UNC5B: variants seen among roughly 807,000 people sequenced by gnomAD.
The protein encoded by UNC5B is netrin receptor UNC5B.
UNC5B carries 56 observed loss-of-function variants against 103.7 expected under a neutral mutation model. The ratio of observed to expected loss-of-function variants is 0.54; its 90% CI spans 0.44 to 0.67. The LOEUF is 0.67. Ranked by LOEUF, UNC5B falls within the 30% of genes least tolerant of loss-of-function variation. UNC5B has a pLI of 0.00. For missense variants in UNC5B, 1,194 were observed against 1,284.5 expected (o/e 0.93, Z 1.08); for synonymous variants, 577 against 542.0 (o/e 1.06, Z -0.90).
At chr10:71,259,068 G>A (rs1400123030) in intron 1 of UNC5B, among the ~76,000 whole-genome samples, 7 of 152,212 alleles carry the variant, frequency 4.6e-5, no homozygotes, top group African/African-American at 1.7e-4. Flanking sequence ...CAGGGTGGAG[G>A]GAGGTGAAGT....
chr10:71,296,472 G>C, intron 14 of UNC5B, 106 bp from the exon 15 acceptor site: 1 of 1,326,612 alleles, frequency 7.5e-7, no homozygotes, highest in Non-Finnish European at 1.0e-6. Flanking sequence ...TGGGTGGAGA[G>C]GCCTGAACTG....
rs773716039 is a variant in UNC5B at position 71,295,909 on chromosome 10, C to G, written c.2274C>G (p.Leu758=). 1 of 1,613,252 alleles carries G rather than the reference C, an allele frequency of 6.2e-7. No homozygotes were observed. The highest frequency in any genetic ancestry group is 1.3e-5 in the African/African-American group (1 of 74,918). The change falls in exon 14 of 17, where the codon CTC becomes CTG. Residue 758 remains leucine, a synonymous_variant. Transcript: ENST00000335350. Reference sequence around the variant, plus strand: ...GTTACCACAACCTGCGCCTCTCCCTCCATGACCTCCCCCATGCCCATTGGA... The same window carrying G: ...GTTACCACAACCTGCGCCTCTCCCTGCATGACCTCCCCCATGCCCATTGGA... The part of the protein sequence containing the change: ...KDSYHNLRLS[L]HDLPHAHWRS...
chr10:71,290,421 C>T (rs1845216955), intron 8 of UNC5B, among the ~76,000 whole-genome samples: 1 of 152,212 alleles, frequency 6.6e-6, no homozygotes, highest in South Asian at 2.1e-4. Context: ...CGTCCCTCCA[C>T]TTCCCACCCT....
At chr10:71,238,541 C>T (rs1843822418) in intron 1 of UNC5B, among the ~76,000 whole-genome samples, 1 of 152,156 alleles carries the variant, frequency 6.6e-6, no homozygotes, top group African/African-American at 2.4e-5. Flanking sequence ...GTCGTGATCT[C>T]AGCTCATTGC....
chr10:71,290,877 T>TA (rs1390721929), intron 8 of UNC5B, 38 bp from the exon 9 acceptor site: 10 of 1,575,642 alleles, frequency 6.3e-6, no homozygotes, highest in Admixed American at 3.4e-5. Flanking sequence ...CAGGGCCTGG[T>TA]CTCTGCTGCC....
In UNC5B at chr10:71,293,888, C is replaced by T. The variant is rs767684096; in HGVS notation, c.2130C>T (p.Tyr710=). The change falls in exon 13 of 17, where the codon TAC becomes TAT. Residue 710 remains tyrosine, a synonymous_variant. Transcript: ENST00000335350. ...CCGCCCTCTGCACCTCCCTGGAGTA[C>T]AGCCTCCGGGTCTACTGCCTGGAGG... ...FAPALCTSLE[Y]SLRVYCLEDT... is the part of the protein sequence containing the mutation. The T allele has an allele frequency of 3.1e-6, 5 of 1,605,938 alleles. No homozygotes were observed. In the African/African-American group the frequency reaches 5.3e-5, roughly 17 times the overall value.
intron 1 of UNC5B, among the ~76,000 whole-genome samples, chr10:71,251,663 T>C (rs1483697254): frequency 6.6e-6 from 1 of 152,150 alleles, no homozygotes; most frequent in African/African-American, 2.4e-5. Context: ...AGTTGCAGAG[T>C]ATACATGGTT....
chr10:71,256,965 GGGAAGGTGCA>G (rs1844304887), intron 1 of UNC5B, among the ~76,000 whole-genome samples: 1 of 152,198 alleles, frequency 6.6e-6, no homozygotes, highest in African/African-American at 2.4e-5. Context: ...GCACAGAGCA[GGGAAGGTGCA>G]GGAAGACGAC....
At chr10:71,295,678 C>A in intron 13 of UNC5B, 133 bp from the exon 14 acceptor site, 1 of 1,019,136 alleles carries the variant, frequency 9.8e-7, no homozygotes, top group Non-Finnish European at 1.4e-6. Flanking sequence ...ACACCATAAG[C>A]CCTCTGTGAG....
intron 1 of UNC5B, among the ~76,000 whole-genome samples, chr10:71,254,028 G>A (rs1727550084): frequency 6.6e-6 from 1 of 152,182 alleles, no homozygotes; most frequent in Non-Finnish European, 1.5e-5. Flanking sequence ...CTCAGCACAG[G>A]GGGAAACGGA....
chr10:71,288,262 T>A (rs1845145851), intron 6 of UNC5B, among the ~76,000 whole-genome samples: 1 of 152,228 alleles, frequency 6.6e-6, no homozygotes. Context: ...TACGCTGTTT[T>A]TCTTTACCCT....
rs1269609485 is a variant in UNC5B, at chr10:71,212,926, C to T, written c.-60C>T. Reference sequence around the variant, plus strand: ...GCGGCGGCGGCGGAGACGGCGGCGGCGAGACTGGGGCCAGGGAGACAGCCC... The same window carrying T: ...GCGGCGGCGGCGGAGACGGCGGCGGTGAGACTGGGGCCAGGGAGACAGCCC... On this transcript the variant is annotated 5_prime_UTR_variant, in exon 1 of 17. Transcript: ENST00000335350. 3.3e-6 allele frequency: 4 copies of T among 1,220,506 alleles called. No individual in the cohort carries two copies. Among genetic ancestry groups the T allele is most frequent in the African/African-American group, 3.1e-5 (2 of 64,196 alleles). The allele number at this position is 1,220,506 out of a possible 1,614,324, so 75.6% of individuals were successfully genotyped here. A position where few individuals can be genotyped will look rare whatever the true frequency, so the allele number is the denominator to read the frequency against.
chr10:71,230,600 C>T (rs995374195), intron 1 of UNC5B, among the ~76,000 whole-genome samples: 2 of 152,276 alleles, frequency 1.3e-5, no homozygotes, highest in African/African-American at 4.8e-5. Context: ...GGGCCTCCCC[C>T]CACATCCCTG....
intron 1 of UNC5B, among the ~76,000 whole-genome samples, chr10:71,245,161 T>C (rs1843999302): frequency 6.6e-6 from 1 of 152,224 alleles, no homozygotes; most frequent in African/African-American, 2.4e-5. Flanking sequence ...GATTTCTTTT[T>C]ATCCTACATG....
rs1413103967 is a variant in UNC5B at position 71,279,988 on chromosome 10, G to A, written c.247G>A (p.Gly83Ser). The A allele has an allele frequency of 1.3e-5, 21 of 1,614,110 alleles. No homozygotes were observed. Among genetic ancestry groups the A allele is most frequent in the Admixed American group, 3.3e-5 (2 of 60,038 alleles). Residue 83 changes from glycine to serine, a missense_variant, in exon 2 of 17, where the codon GGC becomes AGC. Coordinates refer to ENST00000335350, the MANE Select transcript of UNC5B (RefSeq NM_170744.5). ...PATQIYFKCN[G>S]EWVSQNDHVT... Reference sequence around the variant, plus strand: ...CACACAGATCTACTTCAAGTGCAACGGCGAGTGGGTCAGCCAGAACGACCA... The same window carrying A: ...CACACAGATCTACTTCAAGTGCAACAGCGAGTGGGTCAGCCAGAACGACCA...
intron 1 of UNC5B, among the ~76,000 whole-genome samples, chr10:71,260,620 T>C (rs1178652593): frequency 6.6e-6 from 1 of 152,162 alleles, no homozygotes; most frequent in Non-Finnish European, 1.5e-5. Context: ...GTCACTGTGC[T>C]CCCAGAAGCT....
chr10:71,249,771 G>T (rs758549757), intron 1 of UNC5B, among the ~76,000 whole-genome samples: 1 of 152,188 alleles, frequency 6.6e-6, no homozygotes, highest in African/African-American at 2.4e-5. Flanking sequence ...AAAAACCAAG[G>T]CTGCAGGAGG....
At chr10:71,226,515 C>G (rs1000844113) in intron 1 of UNC5B, among the ~76,000 whole-genome samples, 9 of 152,242 alleles carry the variant, frequency 5.9e-5, no homozygotes, top group African/African-American at 2.2e-4. Context: ...CAACTTCACT[C>G]TTGTTAGTCC....
chr10:71,221,893 G>T (rs1014351762), intron 1 of UNC5B, among the ~76,000 whole-genome samples: 3 of 152,232 alleles, frequency 2.0e-5, no homozygotes, highest in Non-Finnish European at 2.9e-5. Flanking sequence ...TAAAATGGGA[G>T]TAGTAACAGC....
Sources: gnomAD v4.1 joint callset for allele counts (sites outside exome capture counted in the v4.1 genomes callset) on GRCh38, gnomAD v4.1.1 for gene constraint, MANE v1.5 for transcripts, NCBI Gene and HGNC (gene_info 2026-07-23, HGNC 2026-07-21) for gene names.